Variants in TBL1X observed in about 807,000 individuals in gnomAD.
TBL1X encodes transducin beta like 1 X-linked, also known as F-box-like/WD repeat-containing protein TBL1X.
TBL1X carries 10 observed loss-of-function variants against 50.7 expected under a neutral mutation model. The ratio of observed to expected loss-of-function variants is 0.20; its 90% confidence interval spans 0.12 to 0.33. The LOEUF (loss-of-function observed/expected upper bound fraction) is 0.33. Among genes scored for constraint, TBL1X ranks in the 10% least tolerant of loss-of-function variants. TBL1X has a pLI of 1.00. For synonymous variants in TBL1X, 190 were observed against 214.7 expected (o/e 0.88, Z 1.01); for missense variants, 340 against 504.4 (o/e 0.67, Z 3.12).
intron 1 of TBL1X, among the ~76,000 whole-genome samples, chrX:9,467,437 C>T (rs1442401414): frequency 8.9e-6 from 1 of 112,095 alleles, no homozygotes; most frequent in Non-Finnish European, 1.9e-5. Flanking sequence ...CTTCTCTGCC[C>T]AGCGAGGCAG....
At chrX:9,582,688 G>A (rs756577642) in intron 2 of TBL1X, among the ~76,000 whole-genome samples, 1 of 112,597 alleles carries the variant, frequency 8.9e-6, no homozygotes, top group African/African-American at 3.2e-5. Flanking sequence ...AGAAGGTAGT[G>A]AATAAAATTA....
intron 7 of TBL1X, among the ~76,000 whole-genome samples, chrX:9,690,162 C>T (rs1569099933): frequency 8.9e-6 from 1 of 112,430 alleles, no homozygotes; most frequent in Non-Finnish European, 1.9e-5. Context: ...AGCAAACTTT[C>T]TTTACAGGGA....
chrX:9,466,302 G>C (rs759821006), intron 1 of TBL1X, among the ~76,000 whole-genome samples: 1 of 112,289 alleles, frequency 8.9e-6, no homozygotes, highest in African/African-American at 3.2e-5. Flanking sequence ...GCGCTGGCCG[G>C]ATATGTGACA....
intron 1 of TBL1X, among the ~76,000 whole-genome samples, chrX:9,480,838 T>C (rs2081878454): frequency 9.9e-6 from 1 of 100,922 alleles, no homozygotes; most frequent in Non-Finnish European, 2.0e-5. Context: ...CATATTTGGC[T>C]TATTTGATAT....
intron 2 of TBL1X, among the ~76,000 whole-genome samples, chrX:9,615,218 A>G (rs1267639977): frequency 1.1e-4 from 12 of 112,114 alleles, no homozygotes. Context: ...GTTGAGTTAG[A>G]TAAATCAACA....
intron 4 of TBL1X, 56 bp from the exon 5 acceptor site, chrX:9,654,159 A>G (rs1190635979): frequency 1.8e-6 from 2 of 1,092,934 alleles, no homozygotes; most frequent in Non-Finnish European, 2.5e-6. Context: ...CATCTCAAAA[A>G]AAAAAAAGAG....
intron 2 of TBL1X, among the ~76,000 whole-genome samples, chrX:9,502,904 A>G (rs1435427296): frequency 8.9e-6 from 1 of 112,322 alleles, no homozygotes; most frequent in Non-Finnish European, 1.9e-5. Flanking sequence ...CTTAATTGTG[A>G]ACTTCTCAGC....
At chrX:9,564,759 A>C (rs2082340772) in intron 2 of TBL1X, among the ~76,000 whole-genome samples, 1 of 109,009 alleles carries the variant, frequency 9.2e-6, no homozygotes, top group African/African-American at 3.3e-5. Context: ...TTTTAGGAGA[A>C]AGTTTGGTGT....
At chrX:9,496,572 G>A (rs944320330) in intron 1 of TBL1X, among the ~76,000 whole-genome samples, 9 of 112,714 alleles carry the variant, frequency 8.0e-5, no homozygotes, top group Non-Finnish European at 1.3e-4. Context: ...AATGCTGGCA[G>A]CCTCTTAGGG....
intron 2 of TBL1X, among the ~76,000 whole-genome samples, chrX:9,514,540 T>A (rs1226315225): frequency 1.8e-5 from 2 of 112,233 alleles, no homozygotes; most frequent in South Asian, 7.4e-4. Flanking sequence ...TAACAGAGAC[T>A]GTGTTAGATT....
At chrX:9,657,061 C>T (rs2146602256) in intron 5 of TBL1X, among the ~76,000 whole-genome samples, 1 of 112,547 alleles carries the variant, frequency 8.9e-6, no homozygotes, top group South Asian at 3.7e-4. Flanking sequence ...CAGCTCCCTC[C>T]ACTCTGGCTT....
intron 2 of TBL1X, among the ~76,000 whole-genome samples, chrX:9,524,215 ACCTTGGCCTC>A (rs1227191035): frequency 9.0e-6 from 1 of 111,503 alleles, no homozygotes; most frequent in Non-Finnish European, 1.9e-5. Flanking sequence ...TGATCCACCC[ACCTTGGCCTC>A]CCGAAGTGCT....
intron 2 of TBL1X, among the ~76,000 whole-genome samples, chrX:9,544,700 T>C (rs1030030689): frequency 3.6e-5 from 4 of 110,767 alleles, no homozygotes; most frequent in Admixed American, 9.6e-5. Flanking sequence ...GTAGCTGGGA[T>C]TATAGGCATG....
In TBL1X at chrX:9,655,049, T is replaced by C. The variant is rs1460885147; in HGVS notation, c.211+727T>C. 4.5e-5 allele frequency among the ~76,000 whole-genome samples: 5 copies of C among 111,128 alleles called. No individual in the cohort carries two copies. The East Asian group carries it at 1.4e-3, about 31-fold the overall frequency. ...AGGTGCATTGGAAACCCCGCCCATGTTTGCCTCCCCGCCTTCCTCGATGAT... is the reference window on the plus strand; with the variant it reads ...AGGTGCATTGGAAACCCCGCCCATGCTTGCCTCCCCGCCTTCCTCGATGAT... On this transcript the variant is annotated intron_variant, in intron 5 of 17. Transcript: ENST00000645353.
chrX:9,685,324 A>G (rs1232536410), intron 6 of TBL1X, among the ~76,000 whole-genome samples: 1 of 111,746 alleles, frequency 8.9e-6, no homozygotes, highest in African/African-American at 3.3e-5. Context: ...TGAGTCTCAC[A>G]CTGTTGCCCA....
intron 2 of TBL1X, among the ~76,000 whole-genome samples, chrX:9,580,491 A>G (rs2082435147): frequency 8.9e-6 from 1 of 111,997 alleles, no homozygotes; most frequent in Non-Finnish European, 1.9e-5. Context: ...ATGCATCTAT[A>G]TCAGTGAGCA....
chrX:9,669,390 G>A (rs755053235), intron 5 of TBL1X, among the ~76,000 whole-genome samples: 1 of 111,537 alleles, frequency 9.0e-6, no homozygotes, highest in East Asian at 2.8e-4. Context: ...AAGAATATGG[G>A]ATGATATATG....
intron 2 of TBL1X, among the ~76,000 whole-genome samples, chrX:9,548,287 C>T (rs2082255053): frequency 9.0e-6 from 1 of 111,584 alleles, no homozygotes; most frequent in South Asian, 3.7e-4. Flanking sequence ...AGTCAAAACT[C>T]TGTTAATAGG....
At chrX:9,708,798 G>T (rs1426675954) in intron 13 of TBL1X, among the ~76,000 whole-genome samples, 1 of 110,329 alleles carries the variant, frequency 9.1e-6, no homozygotes, top group Non-Finnish European at 1.9e-5. Flanking sequence ...AGTTTAAGAG[G>T]TACATGCTGC....
Sources: gnomAD v4.1 joint callset for allele counts (sites outside exome capture counted in the v4.1 genomes callset) on GRCh38, gnomAD v4.1.1 for gene constraint, MANE v1.5 for transcripts, NCBI Gene and HGNC (gene_info 2026-07-23, HGNC 2026-07-21) for gene names.